The following TTN variants were observed in gnomAD, a reference collection of about 807,000 sequenced individuals.
TTN encodes the protein titin, also known as connectin.
TTN carries 1,525 observed loss-of-function variants against 3,223.0 expected under a neutral mutation model. That is an observed-to-expected ratio of 0.47 (90% CI 0.45 to 0.49). TTN has a LOEUF of 0.49. TTN is among the 20% of genes least tolerant of loss of function. The probability of loss-of-function intolerance (pLI) is 0.00; values close to 1 mark genes in which losing one functional copy is unlikely to be tolerated. For synonymous variants in TTN, 14,094 were observed against 15,161.0 expected (o/e 0.93, Z 5.17); for missense variants, 40,786 against 43,424.0 (o/e 0.94, Z 5.40).
intron 47 of TTN, chr2:178,749,133 G>T (rs2084600376): frequency 6.2e-7 from 1 of 1,612,638 alleles, no homozygotes; most frequent in Non-Finnish European, 8.5e-7. Flanking sequence ...CTCTCAGAGT[G>T]AATATTTGGT....
Position 178,547,846 on chromosome 2 carries a change from A to G in TTN, c.93780T>C (p.Asp31260=), listed in dbSNP as rs1479191896. ...CTTTTGTTGTTGTAATGCTCACTCG[A>G]TCTGTCTCTTTAAGTCTCATTTCTT... The part of the protein sequence containing the change: ...KLEEMRLKET[D]RVSITTTKDR... The change falls in exon 339 of 363, where the codon GAT becomes GAC. Residue 31260 remains aspartate, a synonymous_variant. Coordinates refer to ENST00000589042, the MANE Select transcript of TTN (RefSeq NM_001267550.2). 2 of 1,613,850 alleles carry G rather than the reference A, an allele frequency of 1.2e-6. No individual in the cohort carries two copies. Among genetic ancestry groups the G allele is most frequent in the Admixed American group, 1.7e-5 (1 of 59,992 alleles).
At position 178,773,630 on chromosome 2, in the gene TTN, C is replaced by T. The variant is rs763541715; in HGVS notation, c.7426G>A (p.Val2476Ile). 1.2e-6 allele frequency: 2 copies of T among 1,614,050 alleles called. No individual in the cohort carries two copies. The highest frequency in any genetic ancestry group is 4.5e-5 in the East Asian group (2 of 44,844). The part of the protein sequence containing the change: ...CKVSVPDVTS[V>I]KWYLNDEQIK... Reference sequence around the variant, plus strand: ...TGTTCATCATTTAAGTACCACTTAACAGAAGTCACATCAGGGACTGACACC... The same window carrying T: ...TGTTCATCATTTAAGTACCACTTAATAGAAGTCACATCAGGGACTGACACC... The change falls in exon 32 of 363, where the codon GTT (valine) becomes ATT (isoleucine). Residue 2476 changes from valine (V) to isoleucine (I), a missense_variant. By Grantham distance (29) the Val-to-Ile change is conservative. Coordinates refer to ENST00000589042, the MANE Select transcript of TTN (RefSeq NM_001267550.2).
At position 178,639,986 on chromosome 2, in the gene TTN, ACATGT is replaced by A. The variant is rs1432671175; in HGVS notation, c.40786+57_40786+61del. 3 of 1,572,134 alleles carry A rather than the reference ACATGT, an allele frequency of 1.9e-6. No homozygotes were observed. The African/African-American group carries it at 4.1e-5, about 21-fold the overall frequency. ...TTTCACCTACTATCTTTTATTAAGT[ACATGT>A]TATGTGTGTGAATACAGAAAGAATA... On this transcript the variant is annotated intron_variant, in intron 222 of 362. Transcript: ENST00000589042.
At chr2:178,785,566 G>C (rs1467337946) in intron 15 of TTN, 54 bp downstream of exon 15, 31 of 1,611,026 alleles carry the variant, frequency 1.9e-5, no homozygotes, top group African/African-American at 2.7e-5. Context: ...TGTTTCACAG[G>C]TTAGATACTT....
Position 178,588,593 on chromosome 2 carries a change from A to G in TTN, c.63132T>C (p.Ile21044=), listed in dbSNP as rs561183059. 9.0e-6 allele frequency: 14 copies of G among 1,560,114 alleles called. No individual in the cohort carries two copies. The Admixed American group carries it at 2.1e-4, about 23-fold the overall frequency. ...AAGGCAAGCTTGGTTCTCCAATTCCAATTTCATTTTCTGCCTTGACACGGA... is the reference window on the plus strand; with the variant it reads ...AAGGCAAGCTTGGTTCTCCAATTCCGATTTCATTTTCTGCCTTGACACGGA... ...YQFRVKAENE[I]GIGEPSLPSR... The change falls in exon 304 of 363, where the codon ATT becomes ATC. Residue 21044 remains isoleucine, a synonymous_variant. Coordinates refer to ENST00000589042, the MANE Select transcript of TTN (RefSeq NM_001267550.2).
At chr2:178,753,470 C>A in intron 46 of TTN, 1 of 257,188 alleles carries the variant, frequency 3.9e-6, no homozygotes. Context: ...ATCTACAAAC[C>A]GAAGGAATAT....
rs1559027075 is a variant in TTN at position 178,533,553 on chromosome 2, T to G, written c.103062A>C (p.Pro34354=). 3.7e-6 allele frequency: 6 copies of G among 1,613,914 alleles called. No homozygotes were observed. Among genetic ancestry groups the G allele is most frequent in the Non-Finnish European group, 5.1e-6 (6 of 1,179,842 alleles). Residue 34354 remains proline, a synonymous_variant, in exon 358 of 363, where the codon CCA becomes CCC. Transcript: ENST00000589042. ...CKAKLTVTLH[P]PPTDSTLRPM... The stretch of plus-strand genomic sequence containing the variant: ...GTCTTAAGGTACTATCTGTTGGAGG[T>G]GGGTGTAGGGTTACTGTCAGCTTTG...
intron 39 of TTN, 21 bp from the exon 40 acceptor site, chr2:178,767,945 C>T (rs755061460): frequency 2.0e-5 from 32 of 1,613,788 alleles, no homozygotes; most frequent in Admixed American, 1.3e-4. Flanking sequence ...AATGGAAATT[C>T]GAGTTTACCG....
intron 330 of TTN, 52 bp downstream of exon 330, chr2:178,556,796 G>A (rs1057326628): frequency 1.8e-5 from 28 of 1,591,042 alleles, no homozygotes; most frequent in South Asian, 5.6e-5. Flanking sequence ...AAAGGTATGC[G>A]GAAATACTGA....
At chr2:178,606,707 G>A (rs1237113271) in intron 278 of TTN, among the ~76,000 whole-genome samples, 1 of 151,824 alleles carries the variant, frequency 6.6e-6, no homozygotes, top group African/African-American at 2.4e-5. Flanking sequence ...TTAAAAACCC[G>A]ACTTCCAATG....
In TTN at chr2:178,561,851, T is replaced by C; in HGVS notation, c.84281A>G (p.Lys28094Arg). The change falls in exon 326 of 363, where the codon AAG becomes AGG. Residue 28094 changes from lysine to arginine, a missense_variant. By Grantham distance (26) the Lys-to-Arg change is conservative. Coordinates refer to ENST00000589042, the MANE Select transcript of TTN (RefSeq NM_001267550.2). ...CCATGTTGTAGAGGTGGTTTCTTTC[T>C]TTTCAACAATGTAATTGCTAATTTG... The part of the protein sequence containing the change: ...GCQISNYIVE[K>R]KETTSTTWHI... The C allele has an allele frequency of 1.2e-6, 2 of 1,613,668 alleles. No homozygotes were observed. Among genetic ancestry groups the C allele is most frequent in the Non-Finnish European group, 1.7e-6 (2 of 1,179,742 alleles).
chr2:178,669,547 C>T, intron 158 of TTN, 45 bp downstream of exon 158: 1 of 1,607,568 alleles, frequency 6.2e-7, no homozygotes, highest in East Asian at 2.2e-5. Context: ...CCATGAAAAA[C>T]TAAACCAAGA....
In TTN at chr2:178,723,702, T is replaced by C. The variant is rs768501606; in HGVS notation, c.21404-6A>G. 8 of 1,557,282 alleles carry C rather than the reference T, an allele frequency of 5.1e-6. No homozygotes were observed. The highest frequency in any genetic ancestry group is 2.0e-5 in the Admixed American group (1 of 50,286). ...TTTCACAAAAGAGGGTGGTTCTATA[T>C]AGACATGGAGAACAATTAAAAGATC... On this transcript the variant is annotated splice_region_variant and splice_polypyrimidine_tract_variant and intron_variant, in intron 73 of 362. Transcript: ENST00000589042.
rs1402242670 is a variant in TTN, at chr2:178,727,923, GT to G, written c.19715-61del. The G allele has an allele frequency of 2.7e-6, 4 of 1,484,482 alleles. No homozygotes were observed. In the African/African-American group the frequency reaches 5.7e-5, roughly 21 times the overall value. The allele number at this position is 1,484,482 out of a possible 1,614,324, so 92.0% of individuals were successfully genotyped here. A position where few individuals can be genotyped will look rare whatever the true frequency, so the allele number is the denominator to read the frequency against. On this transcript the variant is annotated intron_variant, in intron 67 of 362. Coordinates refer to ENST00000589042, the MANE Select transcript of TTN (RefSeq NM_001267550.2). ...TGCTTGCAGTTGAATTATTGTGACA[GT>G]TTTATGGACATTTAAGAAAACACTC...
Position 178,701,119 on chromosome 2 carries a change from C to A in TTN, c.30682+1G>T, listed in dbSNP as rs112818474. On this transcript the variant is annotated splice_donor_variant, in intron 111 of 362. Transcript: ENST00000589042. LOFTEE classifies it high-confidence loss of function. Reference sequence around the variant, plus strand: ...ACATCTAGGTAGATGAGGTATAATACCTTCAATACGTTTTGGTGGTGGTTT... The same window carrying A: ...ACATCTAGGTAGATGAGGTATAATAACTTCAATACGTTTTGGTGGTGGTTT... 1 of 1,613,212 alleles carries A rather than the reference C, an allele frequency of 6.2e-7. No homozygotes were observed. The highest frequency in any genetic ancestry group is 8.5e-7 in the Non-Finnish European group (1 of 1,179,398).
At position 178,802,119 on chromosome 2, in the gene TTN, C is replaced by T. The variant is rs545578681; in HGVS notation, c.295+19G>A. ...GTCCTCTGGGGGAGCAGAGGATTGG[C>T]AGGTCCCCAGCAGCCTACCTTTCAC... is the stretch of plus-strand genomic sequence containing the variant. On this transcript the variant is annotated intron_variant, in intron 3 of 362. Coordinates refer to ENST00000589042, the MANE Select transcript of TTN (RefSeq NM_001267550.2). 6.2e-6 allele frequency: 10 copies of T among 1,613,802 alleles called. No homozygotes were observed. In the Admixed American group the frequency reaches 1.7e-4, roughly 27 times the overall value.
Position 178,595,811 on chromosome 2 carries a change from T to C in TTN, c.57545-2A>G, listed in dbSNP as rs747068091. ...GTGTTCCAACGGGACCTGGAACATC[T>C]GGAAATAAGAAGAAAATAATTCAAG... On this transcript the variant is annotated splice_acceptor_variant, in intron 294 of 362. Transcript: ENST00000589042. LOFTEE classifies it high-confidence loss of function. 6 of 1,587,178 alleles carry C rather than the reference T, an allele frequency of 3.8e-6. No individual in the cohort carries two copies. The South Asian group carries it at 7.0e-5, about 18-fold the overall frequency.
rs754332135 is a variant in TTN at position 178,572,920 on chromosome 2, G to A, written c.73212C>T (p.Ser24404=). The change falls in exon 326 of 363, where the codon TCC becomes TCT. Residue 24404 remains serine (S), a synonymous_variant. Transcript: ENST00000589042. ...EYKIRIYAMN[S]EGLGEPALVP... ...CAAGGGCAGGTTCCCCAAGTCCTTCGGAATTCATGGCATAGATGCGGATCT... is the reference window on the plus strand; with the variant it reads ...CAAGGGCAGGTTCCCCAAGTCCTTCAGAATTCATGGCATAGATGCGGATCT... The A allele has an allele frequency of 2.2e-5, 35 of 1,613,198 alleles. No individual in the cohort carries two copies. The highest frequency in any genetic ancestry group is 2.7e-5 in the Non-Finnish European group (32 of 1,179,594).
In TTN at chr2:178,622,028, A is replaced by C; in HGVS notation, c.44914-20T>G. 1 of 1,579,410 alleles carries C rather than the reference A, an allele frequency of 6.3e-7. No homozygotes were observed. Among genetic ancestry groups the C allele is most frequent in the Non-Finnish European group, 8.6e-7 (1 of 1,161,572 alleles). ...CTTAACCTATATTTAAGATAAATAG[A>C]TTATCAGTTTTCTTGTTGTTCCTTC... On this transcript the variant is annotated intron_variant, in intron 243 of 362. Transcript: ENST00000589042.
Sources: allele counts gnomAD v4.1 joint callset (sites outside exome capture counted in the v4.1 genomes callset), GRCh38; gene constraint gnomAD v4.1.1; transcripts MANE v1.5; gene names NCBI Gene and HGNC (gene_info 2026-07-23, HGNC 2026-07-21).